Variants in ARHGEF26 observed in about 807,000 individuals in gnomAD.
The protein encoded by ARHGEF26 is Rho guanine nucleotide exchange factor (GEF) 26.
ARHGEF26 carries 59 observed loss-of-function variants against 89.4 expected under a neutral mutation model. The observed-to-expected ratio is 0.66, with a 90% CI of 0.54 to 0.82. ARHGEF26 has a LOEUF of 0.82. Among genes scored for constraint, ARHGEF26 ranks in the 40% least tolerant of loss-of-function variants. The pLI is 0.00. For missense variants in ARHGEF26, 1,234 were observed against 1,085.6 expected (o/e 1.14, Z -1.92); for synonymous variants, 500 against 428.4 (o/e 1.17, Z -2.06).
At chr3:154,250,277 TC>T (rs1442350090) in intron 12 of ARHGEF26, among the ~76,000 whole-genome samples, 2 of 152,150 alleles carry the variant, frequency 1.3e-5, no homozygotes, top group Non-Finnish European at 2.9e-5. Flanking sequence ...GATCCCTGCC[TC>T]GGCCTCCAAA....
intron 4 of ARHGEF26, among the ~76,000 whole-genome samples, chr3:154,133,895 T>A (rs1718836955): frequency 6.6e-6 from 1 of 152,280 alleles, no homozygotes; most frequent in Admixed American, 6.5e-5. Flanking sequence ...TTTGTACTTG[T>A]AGAGATCTTT....
Position 154,121,481 on chromosome 3 carries a change from T to C in ARHGEF26, c.-90T>C, listed in dbSNP as rs1174295764. On this transcript the variant is annotated 5_prime_UTR_variant, in exon 1 of 15. Transcript: ENST00000465093. ...CGGACCCGGGCCACCCACGGGGTAG[T>C]GGGTGCTCCTCGGCCCCGGACATTG... 5.2e-5 allele frequency: 8 copies of C among 153,104 alleles called. No homozygotes were observed. Among genetic ancestry groups the C allele is most frequent in the African/African-American group, 1.7e-4 (7 of 41,454 alleles). 9.5% of individuals were successfully genotyped at this position (153,104 alleles called of 1,614,324 possible).
chr3:154,147,620 A>G (rs975948933), intron 4 of ARHGEF26, among the ~76,000 whole-genome samples: 14 of 152,204 alleles, frequency 9.2e-5, no homozygotes, highest in African/African-American at 3.1e-4. Context: ...AAGCTTGTCT[A>G]TTTTAAGACT....
At position 154,214,290 on chromosome 3, in the gene ARHGEF26, T is replaced by C. The variant is rs534006794; in HGVS notation, c.1846-3579T>C. ...TGAACTTAGAAAAACTGACATCTTA[T>C]TTTTGGAGGACTCATAAGGGTAGGG... On this transcript the variant is annotated intron_variant, in intron 9 of 14. Transcript: ENST00000465093. Among the ~76,000 whole-genome samples, 8 of 152,272 alleles carry C rather than the reference T, an allele frequency of 5.3e-5. No individual in the cohort carries two copies. The South Asian group carries it at 1.7e-3, about 32-fold the overall frequency.
chr3:154,216,642 T>A (rs1041671735), intron 9 of ARHGEF26, among the ~76,000 whole-genome samples: 1 of 129,822 alleles, frequency 7.7e-6, no homozygotes, highest in Non-Finnish European at 1.6e-5. Context: ...CACTAACTCG[T>A]CATCTAGCAT....
intron 6 of ARHGEF26, among the ~76,000 whole-genome samples, chr3:154,160,585 G>A (rs771217251): frequency 5.9e-5 from 9 of 152,140 alleles, no homozygotes; most frequent in Non-Finnish European, 1.2e-4. Flanking sequence ...GTCCAGTAAT[G>A]CAGGAAAGTT....
chr3:154,196,621 A>G (rs1203364092), intron 9 of ARHGEF26, among the ~76,000 whole-genome samples: 1 of 152,184 alleles, frequency 6.6e-6, no homozygotes, highest in African/African-American at 2.4e-5. Context: ...TCTGTGAGCC[A>G]CTTAAATTCA....
intron 6 of ARHGEF26, among the ~76,000 whole-genome samples, chr3:154,182,034 T>TGG (rs552672106): frequency 3.0e-4 from 45 of 151,890 alleles, no homozygotes; most frequent in South Asian, 1.9e-3. Context: ...GGTGGGTGGT[T>TGG]GGGTGTGTGT....
rs1718463069 is a variant in ARHGEF26, at chr3:154,255,809, C to A, written c.*336C>A. 1 of 1,072,936 alleles carries A rather than the reference C, an allele frequency of 9.3e-7. No individual in the cohort carries two copies. 66.5% of individuals were successfully genotyped at this position (1,072,936 alleles called of 1,614,324 possible). On this transcript the variant is annotated 3_prime_UTR_variant, in exon 15 of 15. Transcript: ENST00000465093. ...AACACATATTATATCCTGGTTTTCT[C>A]TATCCTTGCATTACTAAGGTGACTG... is the stretch of plus-strand genomic sequence containing the variant.
chr3:154,221,150 A>C (rs1292402464), intron 10 of ARHGEF26, among the ~76,000 whole-genome samples: 1 of 149,572 alleles, frequency 6.7e-6, no homozygotes, highest in African/African-American at 2.4e-5. Context: ...GTAAAACAAA[A>C]AAAAAAAACC....
chr3:154,171,839 C>A (rs1443879901), intron 6 of ARHGEF26, among the ~76,000 whole-genome samples: 1 of 152,110 alleles, frequency 6.6e-6, no homozygotes, highest in Non-Finnish European at 1.5e-5. Flanking sequence ...GCCCTGAGAC[C>A]TTCCAACACT....
intron 6 of ARHGEF26, among the ~76,000 whole-genome samples, chr3:154,158,411 G>T (rs1242869422): frequency 6.6e-6 from 1 of 152,146 alleles, no homozygotes; most frequent in African/African-American, 2.4e-5. Context: ...AGTATTTGGG[G>T]AGTTAGAATC....
chr3:154,202,086 A>G (rs1348738228), intron 9 of ARHGEF26, among the ~76,000 whole-genome samples: 1 of 152,170 alleles, frequency 6.6e-6, no homozygotes, highest in African/African-American at 2.4e-5. Context: ...GCCCATGCCT[A>G]TGTCCTGAAT....
intron 3 of ARHGEF26, among the ~76,000 whole-genome samples, chr3:154,127,794 CAT>C (rs35296366): frequency 0.23 from 34,970 of 151,926 alleles, 5,352 homozygotes; most frequent in East Asian, 0.47. Context: ...TTACCATAGA[CAT>C]GTGAGTAATG....
chr3:154,160,787 G>C (rs978022668), intron 6 of ARHGEF26, among the ~76,000 whole-genome samples: 3 of 152,108 alleles, frequency 2.0e-5, no homozygotes, highest in Non-Finnish European at 4.4e-5. Flanking sequence ...TAATTAATTT[G>C]GTCTAGGACT....
At chr3:154,201,950 A>G (rs1714670221) in intron 9 of ARHGEF26, among the ~76,000 whole-genome samples, 1 of 151,388 alleles carries the variant, frequency 6.6e-6, no homozygotes, top group South Asian at 2.1e-4. Flanking sequence ...CCCATTTTGT[A>G]GGTTGCCTGT....
rs138900319 is a variant in ARHGEF26 at position 154,186,117 on chromosome 3, G to A, written c.1488-1568G>A. On this transcript the variant is annotated intron_variant, in intron 6 of 14. Transcript: ENST00000465093. ...GTTTTGGTTCAAGTATTATGCTACC[G>A]TTTCTCTACACACACTTAGACACAC... 9.5e-4 allele frequency among the ~76,000 whole-genome samples: 123 copies of A among 129,634 alleles called. 1 individual carries two copies. In the East Asian group the frequency reaches 0.026, roughly 27 times the overall value. The allele number at this position is 129,634 out of a possible 152,430, so 85.0% of individuals were successfully genotyped here. A position where few individuals can be genotyped will look rare whatever the true frequency, so the allele number is the denominator to read the frequency against.
chr3:154,240,740 G>A (rs750815207), intron 12 of ARHGEF26, among the ~76,000 whole-genome samples, 161 bp downstream of exon 12: 1 of 152,122 alleles, frequency 6.6e-6, no homozygotes, highest in Non-Finnish European at 1.5e-5. Flanking sequence ...TACAGATGTT[G>A]TTCTTTTCAT....
intron 4 of ARHGEF26, among the ~76,000 whole-genome samples, chr3:154,131,896 G>A (rs1163154924): frequency 2.0e-5 from 3 of 152,120 alleles, no homozygotes; most frequent in Non-Finnish European, 4.4e-5. Flanking sequence ...TTTGTTTATG[G>A]ACTTGCATTT....
Sources: gnomAD v4.1 joint callset for allele counts (sites outside exome capture counted in the v4.1 genomes callset) on GRCh38, gnomAD v4.1.1 for gene constraint, MANE v1.5 for transcripts, NCBI Gene and HGNC (gene_info 2026-07-23, HGNC 2026-07-21) for gene names.